The following NNMT variants were observed in gnomAD, a reference collection of about 807,000 sequenced individuals.
The protein encoded by NNMT is nicotinamide N-methyltransferase.
A neutral mutation model predicts 11.7 loss-of-function variants in NNMT; 10 were observed. The ratio of observed to expected loss-of-function variants is 0.85; its 90% CI spans 0.53 to 1.45. NNMT has a LOEUF of 1.45. Ranked by LOEUF, NNMT falls within the 40% of genes most tolerant of loss-of-function variation. NNMT has a pLI of 0.00. For synonymous variants in NNMT, 143 were observed against 133.8 expected, an observed-to-expected ratio of 1.07 and a Z score of -0.48; for missense variants, 381 against 319.4, an observed-to-expected ratio of 1.19 and a Z score of -1.47.
At chr11:114,299,985 C>G (rs1227496832) in intron 2 of NNMT, among the ~76,000 whole-genome samples, 3 of 151,888 alleles carry the variant, frequency 2.0e-5, no homozygotes, top group African/African-American at 4.8e-5. Context: ...TGATTTTTCT[C>G]TATTGTCTGT....
At chr11:114,269,686 G>A (rs888717504) in intron 2 of NNMT, among the ~76,000 whole-genome samples, 15 of 152,014 alleles carry the variant, frequency 9.9e-5, no homozygotes, top group Non-Finnish European at 5.9e-5. Context: ...GCTTTCAGAG[G>A]TGTTGTTTGC....
At chr11:114,310,930 T>C (rs1945543915) in intron 2 of NNMT, among the ~76,000 whole-genome samples, 1 of 152,198 alleles carries the variant, frequency 6.6e-6, no homozygotes, top group African/African-American at 2.4e-5. Context: ...GTTCCTTTCT[T>C]CCTCCTTTAA....
intron 2 of NNMT, among the ~76,000 whole-genome samples, chr11:114,298,667 G>T (rs1945408182): frequency 6.6e-6 from 1 of 152,118 alleles, no homozygotes; most frequent in Non-Finnish European, 1.5e-5. Flanking sequence ...TTAAACTGAG[G>T]TAAGAAACAT....
upstream of NNMT, among the ~76,000 whole-genome samples, chr11:114,293,484 A>G (rs1471639533): frequency 6.6e-6 from 1 of 151,604 alleles, no homozygotes; most frequent in East Asian, 2.0e-4. Context: ...CCTTTTCTCC[A>G]TATCCTTGCC....
rs530609720 is a variant in NNMT, at chr11:114,311,337, A to G, written c.363-708A>G. On this transcript the variant is annotated intron_variant, in intron 2 of 2. Transcript: ENST00000299964. ...AGAACAGGACCCTGTCTCTAGAAAC[A>G]AAACAAAACAAAAAACCCAAAACAT... 3.3e-5 allele frequency among the ~76,000 whole-genome samples: 5 copies of G among 152,366 alleles called. No individual in the cohort carries two copies. The South Asian group carries it at 8.3e-4, about 25-fold the overall frequency.
chr11:114,261,308 G>A (rs1945078580), intron 1 of NNMT, among the ~76,000 whole-genome samples: 1 of 152,222 alleles, frequency 6.6e-6, no homozygotes, highest in Non-Finnish European at 1.5e-5. Flanking sequence ...GGGGCCGGGC[G>A]CGGTGGCTCA....
At position 114,265,872 on chromosome 11, in the gene NNMT, C is replaced by G. The variant is rs180906841; in HGVS notation, c.-130+2938C>G. ...ATTATTATTCTGCACCGCCAAGTCT[C>G]CTTGTCAACTTCCTGGTGGTTACCT... On this transcript the variant is annotated intron_variant, in intron 2 of 4. Coordinates refer to the NNMT transcript ENST00000535401. Among the ~76,000 whole-genome samples, 524 of 152,234 alleles carry G rather than the reference C, an allele frequency of 3.4e-3. 2 individuals carry two copies. The highest frequency in any genetic ancestry group is 0.012 in the African/African-American group (500 of 41,534).
chr11:114,303,190 A>G (rs1323623118), intron 2 of NNMT, among the ~76,000 whole-genome samples: 2 of 151,976 alleles, frequency 1.3e-5, no homozygotes, highest in Non-Finnish European at 2.9e-5. Context: ...ATTTTCCTTC[A>G]CCTGAAGAAC....
chr11:114,269,997 C>A (rs1231217475), intron 2 of NNMT, among the ~76,000 whole-genome samples: 8 of 151,896 alleles, frequency 5.3e-5, no homozygotes, highest in Admixed American at 2.6e-4. Flanking sequence ...AGAGAATTTT[C>A]AATTTTTTTG....
intron 1 of NNMT, among the ~76,000 whole-genome samples, chr11:114,258,411 C>T (rs1487922264): frequency 6.6e-6 from 1 of 152,230 alleles, no homozygotes; most frequent in Non-Finnish European, 1.5e-5. Context: ...AAGACTCAGG[C>T]AAGTTGCAGC....
intron 2 of NNMT, among the ~76,000 whole-genome samples, chr11:114,268,209 C>G (rs1245053172): frequency 6.6e-6 from 1 of 151,946 alleles, no homozygotes; most frequent in African/African-American, 2.4e-5. Flanking sequence ...GCTACAAGAT[C>G]AACAGTGACC....
rs1223702555 is a variant in NNMT at position 114,275,922 on chromosome 11, A to T, written c.-130+12988A>T. Among the ~76,000 whole-genome samples the T allele has an allele frequency of 3.9e-5, 6 of 151,912 alleles. No homozygotes were observed. In the East Asian group the frequency reaches 1.2e-3, roughly 29 times the overall value. On this transcript the variant is annotated intron_variant, in intron 2 of 4. Transcript: ENST00000535401. ...GAGTGATCTATATGTCCCATGAGGT[A>T]AGCTTGACCCAGCTGGCCACTCTTT...
intron 2 of NNMT, chr11:114,298,416 A>G: frequency 2.3e-6 from 1 of 442,608 alleles, no homozygotes. Flanking sequence ...AAGAGGAGTA[A>G]ACCCCCAAAT....
intron 1 of NNMT, among the ~76,000 whole-genome samples, chr11:114,260,826 C>T (rs1316652857): frequency 3.3e-5 from 5 of 152,194 alleles, no homozygotes; most frequent in African/African-American, 1.2e-4. Flanking sequence ...AGAGGGGCAG[C>T]TGAGATTTGG....
At chr11:114,308,007 C>T (rs1452724954) in intron 2 of NNMT, among the ~76,000 whole-genome samples, 5 of 152,158 alleles carry the variant, frequency 3.3e-5, no homozygotes, top group South Asian at 2.1e-4. Context: ...GCCACCCACC[C>T]GTCTACAATC....
rs1019369159 is a variant in NNMT at position 114,266,622 on chromosome 11, G to C, written c.-130+3688G>C. On this transcript the variant is annotated intron_variant, in intron 2 of 4. Coordinates refer to the NNMT transcript ENST00000535401. The stretch of plus-strand genomic sequence containing the variant: ...TAGCTCAAATATTGCCTCTCAGTGG[G>C]GTCTTACCTGACCATCTGCTATGGT... Among the ~76,000 whole-genome samples, 7 of 151,814 alleles carry C rather than the reference G, an allele frequency of 4.6e-5. No individual in the cohort carries two copies. In the South Asian group the frequency reaches 8.3e-4, roughly 18 times the overall value.
chr11:114,292,803 G>A (rs1945344171), upstream of NNMT, among the ~76,000 whole-genome samples: 1 of 152,082 alleles, frequency 6.6e-6, no homozygotes, highest in Non-Finnish European at 1.5e-5. Context: ...ATTAATGATG[G>A]AGTGAGGGGA....
intron 2 of NNMT, 78 bp downstream of exon 2, chr11:114,298,236 A>G: frequency 8.1e-7 from 1 of 1,240,456 alleles, no homozygotes; most frequent in Non-Finnish European, 1.2e-6. Context: ...ACAGATAGGG[A>G]CCAAAGAGAA....
At chr11:114,264,832 C>G (rs1945108296) in intron 2 of NNMT, among the ~76,000 whole-genome samples, 1 of 152,196 alleles carries the variant, frequency 6.6e-6, no homozygotes, top group Non-Finnish European at 1.5e-5. Flanking sequence ...ACAAAGGATA[C>G]AGTTGAAGAG....
Sources: allele counts gnomAD v4.1 joint callset (sites outside exome capture counted in the v4.1 genomes callset), GRCh38; gene constraint gnomAD v4.1.1; transcripts MANE v1.5; gene names NCBI Gene and HGNC (gene_info 2026-07-23, HGNC 2026-07-21).